Variants in VAC14 observed in about 807,000 individuals in gnomAD.
VAC14 encodes VAC14 component of PIKFYVE complex.
Under a neutral mutation model 85.3 loss-of-function variants are expected in VAC14, and 47 were observed. The ratio of observed to expected loss-of-function variants is 0.55; its 90% confidence interval spans 0.44 to 0.70. The LOEUF (loss-of-function observed/expected upper bound fraction) is 0.70, where lower values mean the gene tolerates loss of function less well. VAC14 is among the 30% of genes least tolerant of loss of function. VAC14 has a pLI of 0.00. For missense variants in VAC14, 861 were observed against 1,004.3 expected (o/e 0.86, Z 1.93); for synonymous variants, 447 against 430.5 (o/e 1.04, Z -0.47).
At chr16:70,740,409 T>G (rs1211269743) in intron 13 of VAC14, among the ~76,000 whole-genome samples, 1 of 152,086 alleles carries the variant, frequency 6.6e-6, no homozygotes, top group South Asian at 2.1e-4. Context: ...TAAAGGCTGA[T>G]TGGGTCTCCC....
chr16:70,765,340 G>A (rs1449172400), intron 10 of VAC14, among the ~76,000 whole-genome samples: 4 of 152,152 alleles, frequency 2.6e-5, no homozygotes, highest in African/African-American at 7.2e-5. Context: ...GCGGTGCCGT[G>A]ACCAGGTCCC....
At chr16:70,751,440 G>T (rs911153922) in intron 12 of VAC14, among the ~76,000 whole-genome samples, 1 of 152,254 alleles carries the variant, frequency 6.6e-6, no homozygotes, top group African/African-American at 2.4e-5. Flanking sequence ...GGCCTTGCCT[G>T]AAATCTGGGT....
intron 1 of VAC14, among the ~76,000 whole-genome samples, chr16:70,791,388 C>CT (rs1305444716): frequency 2.0e-5 from 3 of 152,080 alleles, no homozygotes; most frequent in Admixed American, 6.6e-5. Context: ...ACCTCCACAA[C>CT]TTTTTTTTCC....
In VAC14 at chr16:70,687,982, C is replaced by A; in HGVS notation, c.2295G>T (p.Val765=). The A allele has an allele frequency of 6.3e-7, 1 of 1,597,826 alleles. No homozygotes were observed. Among genetic ancestry groups the A allele is most frequent in the East Asian group, 2.3e-5 (1 of 43,742 alleles). ...CCCCACGCCCGCTCCGCTGGTGCCG[C>A]ACTTCCAGGTGCTTGTTCTGGACCT... ...FEKVQNKHLE[V]RHQRSGRGDH... The change falls in exon 19 of 19, where the codon GTG becomes GTT. Residue 765 remains valine, a synonymous_variant. Transcript: ENST00000261776.
chr16:70,705,318 C>T (rs1366296089), intron 14 of VAC14, among the ~76,000 whole-genome samples: 2 of 152,212 alleles, frequency 1.3e-5, no homozygotes, highest in African/African-American at 4.8e-5. Flanking sequence ...GAGTGTTCAG[C>T]CTGGGAGGAG....
chr16:70,750,949 G>A (rs2031335290), intron 12 of VAC14, among the ~76,000 whole-genome samples: 1 of 152,116 alleles, frequency 6.6e-6, no homozygotes, highest in Non-Finnish European at 1.5e-5. Context: ...TGGGAGGCTC[G>A]TTCTCACCTC....
At chr16:70,711,439 G>T (rs1048239460) in intron 14 of VAC14, among the ~76,000 whole-genome samples, 4 of 152,044 alleles carry the variant, frequency 2.6e-5, no homozygotes, top group African/African-American at 7.2e-5. Context: ...GCAGAGTCTG[G>T]GTCCTGGTTT....
chr16:70,797,579 AAC>A (rs1374627410), intron 1 of VAC14, among the ~76,000 whole-genome samples: 1 of 152,224 alleles, frequency 6.6e-6, no homozygotes, highest in Non-Finnish European at 1.5e-5. Flanking sequence ...TACAGTTTGT[AAC>A]AATTACAATG....
chr16:70,752,572 A>G (rs934951814), intron 12 of VAC14, among the ~76,000 whole-genome samples: 1 of 152,238 alleles, frequency 6.6e-6, no homozygotes, highest in African/African-American at 2.4e-5. Context: ...GTGCCCACTC[A>G]TACCCGCTAT....
chr16:70,695,574 C>T lies in VAC14; in HGVS notation c.2005G>A (p.Val669Met). ...VDFLAEVDKLVQLIECPIFTY... is the reference protein window; with the variant it reads ...VDFLAEVDKLMQLIECPIFTY... The stretch of plus-strand genomic sequence containing the variant: ...AAGATGGGGCACTCAATCAGCTGCA[C>T]CAGCTTGTCCACCTCTGCGAGGAAG... The change falls in exon 17 of 19, where the codon GTG (valine) becomes ATG (methionine). Residue 669 changes from valine (V) to methionine (M), a missense_variant. Around this residue, in one of 3 missense-constraint regions of VAC14, gnomAD observed 163 missense variants for 162.2 expected, o/e 1.00. Transcript: ENST00000261776. 2 of 1,613,946 alleles carry T rather than the reference C, an allele frequency of 1.2e-6. No homozygotes were observed. The highest frequency in any genetic ancestry group is 8.5e-7 in the Non-Finnish European group (1 of 1,179,972).
At chr16:70,717,527 A>G (rs1159636704) in intron 14 of VAC14, among the ~76,000 whole-genome samples, 2 of 152,180 alleles carry the variant, frequency 1.3e-5, no homozygotes, top group African/African-American at 4.8e-5. Flanking sequence ...TTCTTCCTGT[A>G]AGGGTGAGAA....
intron 9 of VAC14, among the ~76,000 whole-genome samples, chr16:70,775,576 G>A (rs937398275): frequency 5.9e-5 from 9 of 152,184 alleles, no homozygotes; most frequent in African/African-American, 2.2e-4. Flanking sequence ...AGGGGACAGG[G>A]GCAGCTGTGG....
At chr16:70,728,184 G>T (rs1257826100) in intron 14 of VAC14, among the ~76,000 whole-genome samples, 1 of 152,174 alleles carries the variant, frequency 6.6e-6, no homozygotes, top group Non-Finnish European at 1.5e-5. Context: ...CCCATGGCAG[G>T]TTTGAGCCCC....
intron 10 of VAC14, among the ~76,000 whole-genome samples, chr16:70,767,836 G>A (rs75815060): frequency 0.018 from 2,779 of 152,112 alleles, 87 homozygotes; most frequent in African/African-American, 0.063. Flanking sequence ...TGCTTTCTGC[G>A]GCCCAGGCAC....
intron 14 of VAC14, among the ~76,000 whole-genome samples, chr16:70,725,899 G>A (rs2054413935): frequency 1.3e-5 from 2 of 152,226 alleles, no homozygotes; most frequent in South Asian, 4.1e-4. Flanking sequence ...GCATACAGTG[G>A]CTCATTACAG....
rs1283266982 is a variant in VAC14, at chr16:70,690,307, C to T, written c.2187-2217G>A. ...GGCTGCTGAGCACAGAGGCCAGGCCCGCTCTCCCTGCCCCACCTAATGCAG... is the reference window on the plus strand; with the variant it reads ...GGCTGCTGAGCACAGAGGCCAGGCCTGCTCTCCCTGCCCCACCTAATGCAG... On this transcript the variant is annotated intron_variant, in intron 18 of 18. Transcript: ENST00000261776. 9 of 985,378 alleles carry T rather than the reference C, an allele frequency of 9.1e-6. No individual in the cohort carries two copies. In the South Asian group the frequency reaches 1.9e-4, roughly 21 times the overall value. The allele number at this position is 985,378 out of a possible 1,614,324, so 61.0% of individuals were successfully genotyped here.
At chr16:70,800,218 A>T (rs891483407) in intron 1 of VAC14, among the ~76,000 whole-genome samples, 2 of 152,260 alleles carry the variant, frequency 1.3e-5, no homozygotes, top group African/African-American at 4.8e-5. Context: ...TGTTACACAT[A>T]CATGTAACAA....
chr16:70,761,327 T>A (rs985116513), intron 12 of VAC14: 8 of 259,156 alleles, frequency 3.1e-5, no homozygotes, highest in African/African-American at 4.7e-5. Context: ...GGCAGGTCTG[T>A]TGATTCACGA....
At chr16:70,731,296 C>A in intron 14 of VAC14, 199 bp downstream of exon 14, 3 of 1,406,964 alleles carry the variant, frequency 2.1e-6, no homozygotes, top group Non-Finnish European at 2.8e-6. Context: ...AACATCAACA[C>A]TGACCTGTCT....
Sources: allele counts gnomAD v4.1 joint callset (sites outside exome capture counted in the v4.1 genomes callset), GRCh38; gene constraint gnomAD v4.1.1; regional missense constraint gnomAD v4.1.1; transcripts MANE v1.5; gene names NCBI Gene and HGNC (gene_info 2026-07-23, HGNC 2026-07-21).